RASA3: variants seen among roughly 807,000 people sequenced by gnomAD.
RASA3 encodes the protein RAS p21 protein activator 3.
A neutral mutation model predicts 110.0 loss-of-function variants in RASA3; 73 were observed. The observed-to-expected ratio is 0.66, with a 90% CI of 0.55 to 0.81. The LOEUF (loss-of-function observed/expected upper bound fraction) is 0.81, where lower values mean the gene tolerates loss of function less well. Ranked by LOEUF, RASA3 falls within the 30% of genes least tolerant of loss-of-function variation. RASA3 has a pLI of 0.00. For missense variants in RASA3, 976 were observed against 1,113.2 expected (o/e 0.88, Z 1.75); for synonymous variants, 500 against 451.4 (o/e 1.11, Z -1.37).
At chr13:114,122,555 C>T (rs1473701227) in intron 1 of RASA3, among the ~76,000 whole-genome samples, 3 of 152,342 alleles carry the variant, frequency 2.0e-5, no homozygotes, top group Non-Finnish European at 2.9e-5. Flanking sequence ...TTCCTGCCCC[C>T]GAGCCGTGCC....
chr13:114,059,101 C>T (rs1270765899), intron 2 of RASA3, among the ~76,000 whole-genome samples: 1 of 152,162 alleles, frequency 6.6e-6, no homozygotes, highest in Non-Finnish European at 1.5e-5. Context: ...TTGCTTGAGC[C>T]CGGGGTTCCA....
At chr13:114,077,921 C>T (rs921337020) in intron 1 of RASA3, 20 of 985,100 alleles carry the variant, frequency 2.0e-5, no homozygotes, top group Admixed American at 6.2e-5. Context: ...CATTTCCCTG[C>T]CTCAGGCTTC....
At chr13:114,030,517 GA>G (rs2054139974) in intron 4 of RASA3, among the ~76,000 whole-genome samples, 134 of 118,668 alleles carry the variant, frequency 1.1e-3, no homozygotes, top group African/African-American at 3.7e-3. Flanking sequence ...GACTCACACA[GA>G]GAGCAAGACT....
At chr13:114,018,689 C>A (rs1230098796) in intron 10 of RASA3, 74 bp downstream of exon 10, 19 of 1,559,736 alleles carry the variant, frequency 1.2e-5, no homozygotes, top group Non-Finnish European at 1.6e-5. Context: ...CTGGGGTGGG[C>A]CCGGGTGTAG....
intron 2 of RASA3, among the ~76,000 whole-genome samples, chr13:114,061,681 A>C (rs1006856948): frequency 2.0e-5 from 3 of 151,618 alleles, no homozygotes; most frequent in Non-Finnish European, 2.9e-5. Context: ...TGTCTCAAAA[A>C]AAAAAAAAAA....
At chr13:114,032,857 C>T (rs868098103) in intron 4 of RASA3, among the ~76,000 whole-genome samples, 4 of 103,644 alleles carry the variant, frequency 3.9e-5, no homozygotes, top group South Asian at 4.2e-4. Context: ...CCACGTTCCA[C>T]GGCACCCCCA....
At chr13:113,998,222 C>T (rs1050442025) in intron 20 of RASA3, among the ~76,000 whole-genome samples, 8 of 152,196 alleles carry the variant, frequency 5.3e-5, no homozygotes, top group African/African-American at 1.9e-4. Flanking sequence ...CCCCCTCAGT[C>T]AGCAGGCATT....
intron 1 of RASA3, among the ~76,000 whole-genome samples, chr13:114,104,356 G>A (rs1305849284): frequency 2.0e-5 from 3 of 150,928 alleles, no homozygotes; most frequent in Non-Finnish European, 4.4e-5. Flanking sequence ...ACCCACCCCC[G>A]ATGCGTCCAC....
intron 22 of RASA3, among the ~76,000 whole-genome samples, chr13:113,990,075 C>T (rs1202974250): frequency 2.0e-5 from 3 of 151,950 alleles, no homozygotes; most frequent in Non-Finnish European, 2.9e-5. Flanking sequence ...GCATCTACCC[C>T]CATCTCTCTC....
At chr13:114,032,734 G>A (rs909824371) in intron 4 of RASA3, among the ~76,000 whole-genome samples, 1 of 99,180 alleles carries the variant, frequency 1.0e-5, no homozygotes, top group Admixed American at 1.5e-4. Context: ...TTGACACCAC[G>A]TTCCATGGCA....
Position 114,015,173 on chromosome 13 carries a change from G to A in RASA3, c.1405+36C>T, listed in dbSNP as rs183286948. The A allele has an allele frequency of 5.2e-3, 8,326 of 1,611,460 alleles. 212 individuals are homozygous for A. The East Asian group carries it at 0.054, about 10-fold the overall frequency. ...AGTCACCCTGCACAGCGCTATGGCA[G>A]TTTCTCAGCAACATGAGGGTGTTCA... On this transcript the variant is annotated intron_variant, in intron 14 of 23. Transcript: ENST00000334062.
chr13:114,043,780 G>A (rs900687896), intron 3 of RASA3, among the ~76,000 whole-genome samples: 5 of 151,612 alleles, frequency 3.3e-5, no homozygotes, highest in South Asian at 4.2e-4. Context: ...TAATGGCGCA[G>A]ACCACGAGGG....
chr13:114,053,793 A>C (rs1205953929), intron 2 of RASA3, among the ~76,000 whole-genome samples: 1 of 152,272 alleles, frequency 6.6e-6, no homozygotes, highest in Non-Finnish European at 1.5e-5. Context: ...CATCAAAATT[A>C]AAAACATTAA....
In RASA3 at chr13:114,056,746, G is replaced by T; in HGVS notation, c.174-4591C>A. On this transcript the variant is annotated intron_variant, in intron 2 of 23. Coordinates refer to ENST00000334062, the MANE Select transcript of RASA3 (RefSeq NM_007368.4). The surrounding 1 kb of genome is among the most constrained non-coding windows in gnomAD (Gnocchi z 5.7). ...GAGATAAAAATAGCAGAAAGAGGAAGCTACAAGAAAACATACGAACTCCAT... is the reference window on the plus strand; with the variant it reads ...GAGATAAAAATAGCAGAAAGAGGAATCTACAAGAAAACATACGAACTCCAT... 3 of 877,052 alleles carry T rather than the reference G, an allele frequency of 3.4e-6. No homozygotes were observed. The highest frequency in any genetic ancestry group is 4.1e-6 in the Non-Finnish European group (3 of 731,010). The allele number at this position is 877,052 out of a possible 1,614,324, so 54.3% of individuals were successfully genotyped here.
At position 114,064,575 on chromosome 13, in the gene RASA3, G is replaced by C. The variant is rs1386457752; in HGVS notation, c.173+9145C>G. Among the ~76,000 whole-genome samples the C allele has an allele frequency of 2.6e-5, 4 of 152,216 alleles. No homozygotes were observed. In the East Asian group the frequency reaches 7.7e-4, roughly 29 times the overall value. On this transcript the variant is annotated intron_variant, in intron 2 of 23. Coordinates refer to ENST00000334062, the MANE Select transcript of RASA3 (RefSeq NM_007368.4). ...TGTGCTTTCTCCTTCCTGGGCAGCA[G>C]AGTTTGAAGCGTATTCCAAAAGAAA...
In RASA3 at chr13:113,978,447, T is replaced by C. The variant is rs1430681094; in HGVS notation, c.*900A>G. ...GGTTTTGACGTTCTGAGTTACTTTGTATCAAAGAGCTAATTAAAAATGGTC... is the reference window on the plus strand; with the variant it reads ...GGTTTTGACGTTCTGAGTTACTTTGCATCAAAGAGCTAATTAAAAATGGTC... On this transcript the variant is annotated 3_prime_UTR_variant, in exon 24 of 24. Transcript: ENST00000334062. 1 of 152,194 alleles carries C rather than the reference T, an allele frequency of 6.6e-6. No homozygotes were observed. The highest frequency in any genetic ancestry group is 2.4e-5 in the African/African-American group (1 of 41,444). 9.4% of individuals were successfully genotyped at this position (152,194 alleles called of 1,614,324 possible).
intron 4 of RASA3, among the ~76,000 whole-genome samples, chr13:114,037,752 T>C (rs956818157): frequency 6.6e-6 from 1 of 152,210 alleles, no homozygotes; most frequent in Non-Finnish European, 1.5e-5. Context: ...AACACGTGCC[T>C]GTGAACTGGT....
At chr13:113,997,182 C>G (rs1356040297) in intron 20 of RASA3, among the ~76,000 whole-genome samples, 1 of 152,200 alleles carries the variant, frequency 6.6e-6, no homozygotes, top group Non-Finnish European at 1.5e-5. Flanking sequence ...CAGCTCCTTC[C>G]CCAACTGACC....
In RASA3 at chr13:114,056,725, TA is replaced by T. The variant is rs892066627; in HGVS notation, c.174-4571del. 8.5e-6 allele frequency: 8 copies of T among 935,716 alleles called. No homozygotes were observed. The African/African-American group carries it at 1.2e-4, about 15-fold the overall frequency. 58.0% of individuals were successfully genotyped at this position (935,716 alleles called of 1,614,324 possible). A position where few individuals can be genotyped will look rare whatever the true frequency, so the allele number is the denominator to read the frequency against. On this transcript the variant is annotated intron_variant, in intron 2 of 23. Coordinates refer to ENST00000334062, the MANE Select transcript of RASA3 (RefSeq NM_007368.4). This position sits in a 1 kb window ranked among gnomAD's most constrained non-coding sequence, Gnocchi z 5.7. The stretch of plus-strand genomic sequence containing the variant: ...CAGAAATCCATTCAATAAAAAGAGA[TA>T]AAAATAGCAGAAAGAGGAAGCTACA...
Sources: allele counts gnomAD v4.1 joint callset (sites outside exome capture counted in the v4.1 genomes callset), GRCh38; gene constraint gnomAD v4.1.1; non-coding constraint Gnocchi (gnomAD v3.1); transcripts MANE v1.5; gene names NCBI Gene and HGNC (gene_info 2026-07-23, HGNC 2026-07-21).